PKHD1: variants seen among roughly 807,000 people sequenced by gnomAD.
PKHD1 encodes the protein fibrocystin.
PKHD1 carries 291 observed loss-of-function variants against 412.0 expected under a neutral mutation model. That is an observed-to-expected ratio of 0.71 (90% CI 0.64 to 0.78). The LOEUF (loss-of-function observed/expected upper bound fraction) is 0.78, where lower values mean the gene tolerates loss of function less well. Ranked by LOEUF, PKHD1 falls within the 30% of genes least tolerant of loss-of-function variation. The probability of loss-of-function intolerance (pLI) is 0.00; values close to 1 mark genes in which losing one functional copy is unlikely to be tolerated. For missense variants in PKHD1, 4,825 were observed against 4,950.7 expected (o/e 0.97, Z 0.76); for synonymous variants, 1,777 against 1,821.5 (o/e 0.98, Z 0.62).
Position 51,885,911 on chromosome 6 carries a change from G to C in PKHD1, c.7171C>G (p.Leu2391Val), listed in dbSNP as rs767554968. 4 of 1,613,340 alleles carry C rather than the reference G, an allele frequency of 2.5e-6. No individual in the cohort carries two copies. In the Admixed American group the frequency reaches 5.0e-5, roughly 20 times the overall value. ...PPWDNVTGTTLFQSFTVWESA... is the reference protein window; with the variant it reads ...PPWDNVTGTTVFQSFTVWESA... ...TCCCAAACTGTGAAGCTCTGGAACA[G>C]AGTGGTGCCAGTGACATTATCCCAA... The change falls in exon 45 of 67, where the codon CTG becomes GTG. Residue 2391 changes from leucine (L) to valine (V), a missense_variant. Coordinates refer to ENST00000371117, the MANE Select transcript of PKHD1 (RefSeq NM_138694.4).
chr6:51,976,794 A>G (rs1794499666), intron 35 of PKHD1, among the ~76,000 whole-genome samples: 1 of 152,058 alleles, frequency 6.6e-6, no homozygotes, highest in Non-Finnish European at 1.5e-5. Flanking sequence ...CTAAAAATAC[A>G]AAAATTAGCT....
chr6:51,765,549 G>C (rs1788851702), intron 55 of PKHD1, among the ~76,000 whole-genome samples: 1 of 151,894 alleles, frequency 6.6e-6, no homozygotes, highest in Non-Finnish European at 1.5e-5. Context: ...CCATCCTTCA[G>C]GTATAAGCTC....
chr6:51,668,715 G>A (rs551891751), intron 60 of PKHD1, among the ~76,000 whole-genome samples: 99 of 152,276 alleles, frequency 6.5e-4, no homozygotes, highest in African/African-American at 1.8e-3. Context: ...TTTGAGATAC[G>A]TCCCATCAAT....
chr6:52,080,307 A>T (rs1391849302), intron 4 of PKHD1, among the ~76,000 whole-genome samples: 1 of 152,232 alleles, frequency 6.6e-6, no homozygotes, highest in Admixed American at 6.5e-5. Flanking sequence ...GACTTTGATA[A>T]TCTATTCCCC....
intron 56 of PKHD1, 76 bp from the exon 57 acceptor site, chr6:51,753,429 A>T: frequency 8.3e-7 from 1 of 1,210,042 alleles, no homozygotes; most frequent in East Asian, 2.4e-5. Context: ...GACCCAGCAA[A>T]CCTGAGAAAT....
At chr6:51,944,636 C>A (rs1049418501) in intron 36 of PKHD1, among the ~76,000 whole-genome samples, 3 of 152,194 alleles carry the variant, frequency 2.0e-5, no homozygotes, top group African/African-American at 7.2e-5. Context: ...CCCTGCCCAA[C>A]AAACTACCCT....
At chr6:51,982,208 G>A (rs1304788067) in intron 35 of PKHD1, among the ~76,000 whole-genome samples, 8 of 33,000 alleles carry the variant, frequency 2.4e-4, no homozygotes, top group Admixed American at 4.3e-4. Context: ...CCCCCGCCCG[G>A]CCAGCCGCCC....
In PKHD1 at chr6:52,082,381, GAC is replaced by G; in HGVS notation, c.281+9_281+10del. On this transcript the variant is annotated intron_variant, in intron 4 of 66. Transcript: ENST00000371117. ...ATCCTGTCTGGTCTTCCTATTCCCA[GAC>G]AGGTATACCTGGTCCGGCATGTCAC... 1 of 1,613,724 alleles carries G rather than the reference GAC, an allele frequency of 6.2e-7. No individual in the cohort carries two copies. Among genetic ancestry groups the G allele is most frequent in the African/African-American group, 1.3e-5 (1 of 75,008 alleles).
intron 65 of PKHD1, among the ~76,000 whole-genome samples, chr6:51,630,572 T>C (rs1334268556): frequency 6.6e-6 from 1 of 152,196 alleles, no homozygotes; most frequent in Non-Finnish European, 1.5e-5. Context: ...AGAACCCACA[T>C]AGACAAAAGT....
chr6:51,670,376 CTTTTT>C (rs916804951), intron 60 of PKHD1, among the ~76,000 whole-genome samples: 56 of 151,870 alleles, frequency 3.7e-4, no homozygotes, highest in African/African-American at 1.3e-3. Flanking sequence ...CAACCCCTGC[CTTTTT>C]TTGTTTTCCA....
chr6:51,943,492 C>T (rs1788916019), intron 36 of PKHD1, among the ~76,000 whole-genome samples: 1 of 151,494 alleles, frequency 6.6e-6, no homozygotes, highest in Admixed American at 6.6e-5. Flanking sequence ...CTTGTTTACA[C>T]TGCCGGTTTA....
chr6:51,703,014 TAAGAGG>T (rs1305169522), intron 60 of PKHD1, among the ~76,000 whole-genome samples: 1 of 151,682 alleles, frequency 6.6e-6, no homozygotes, highest in African/African-American at 2.4e-5. Flanking sequence ...CACTAAAATG[TAAGAGG>T]AAAAGACAAA....
At chr6:51,829,070 G>A (rs933741886) in intron 52 of PKHD1, among the ~76,000 whole-genome samples, 1 of 152,116 alleles carries the variant, frequency 6.6e-6, no homozygotes, top group African/African-American at 2.4e-5. Context: ...AACTGTGTAT[G>A]TTTTAAAATT....
chr6:51,806,588 T>C (rs187483272), intron 52 of PKHD1, among the ~76,000 whole-genome samples: 45 of 152,270 alleles, frequency 3.0e-4, no homozygotes, highest in African/African-American at 8.9e-4. Flanking sequence ...AGACAAAACA[T>C]ATTTATGAGT....
At chr6:51,677,220 G>T (rs1775989310) in intron 60 of PKHD1, among the ~76,000 whole-genome samples, 1 of 152,126 alleles carries the variant, frequency 6.6e-6, no homozygotes. Flanking sequence ...TTAGGTCCTA[G>T]AGCTTCAAAA....
chr6:51,658,886 C>A, intron 61 of PKHD1, 66 bp downstream of exon 61: 1 of 982,956 alleles, frequency 1.0e-6, no homozygotes, highest in Non-Finnish European at 1.7e-6. Flanking sequence ...TTGACATTTG[C>A]AACATATGTC....
chr6:52,081,766 C>T (rs1812069361), intron 4 of PKHD1, among the ~76,000 whole-genome samples: 1 of 152,100 alleles, frequency 6.6e-6, no homozygotes, highest in Non-Finnish European at 1.5e-5. Flanking sequence ...GGGGAGACTT[C>T]CTCAAAGAGA....
chr6:51,830,694 G>A (rs995091899), intron 52 of PKHD1, among the ~76,000 whole-genome samples, 167 bp downstream of exon 52: 1 of 152,120 alleles, frequency 6.6e-6, no homozygotes, highest in Non-Finnish European at 1.5e-5. Context: ...ACTGGTCTAT[G>A]AAATTGTTCT....
At chr6:51,828,058 G>A (rs965279049) in intron 52 of PKHD1, among the ~76,000 whole-genome samples, 4 of 152,030 alleles carry the variant, frequency 2.6e-5, no homozygotes, top group African/African-American at 9.7e-5. Context: ...ACAAATAATA[G>A]TTTTTTATTT....
Sources: gnomAD v4.1 joint callset for allele counts (sites outside exome capture counted in the v4.1 genomes callset) on GRCh38, gnomAD v4.1.1 for gene constraint, MANE v1.5 for transcripts, NCBI Gene and HGNC (gene_info 2026-07-23, HGNC 2026-07-21) for gene names.